KIAA1217: variants seen among roughly 807,000 people sequenced by gnomAD.
KIAA1217 encodes KIAA1217.
KIAA1217 carries 88 observed loss-of-function variants against 163.9 expected under a neutral mutation model. That is an observed-to-expected ratio of 0.54 (90% confidence interval 0.45 to 0.64). The LOEUF is 0.64. KIAA1217 is among the 30% of genes least tolerant of loss of function. The pLI is 0.00. For synonymous variants in KIAA1217, 903 were observed against 923.1 expected (o/e 0.98, Z 0.39); for missense variants, 2,372 against 2,475.0 (o/e 0.96, Z 0.88).
chr10:24,423,222 T>A (rs2058892232), intron 3 of KIAA1217, among the ~76,000 whole-genome samples: 1 of 151,934 alleles, frequency 6.6e-6, no homozygotes, highest in Non-Finnish European at 1.5e-5. Context: ...TGGCCTAGAT[T>A]TAACTTTTAA....
chr10:24,235,548 G>A (rs1015320596), intron 2 of KIAA1217, among the ~76,000 whole-genome samples: 4 of 152,104 alleles, frequency 2.6e-5, no homozygotes, highest in African/African-American at 9.7e-5. Flanking sequence ...CCAGAACTTC[G>A]GATTGCAGCT....
intron 1 of KIAA1217, among the ~76,000 whole-genome samples, chr10:23,726,750 G>T (rs1268404195): frequency 6.6e-6 from 1 of 152,076 alleles, no homozygotes; most frequent in Non-Finnish European, 1.5e-5. Context: ...GATATGAACA[G>T]ACACTTCTCA....
At chr10:24,400,952 G>A in intron 3 of KIAA1217, among the ~76,000 whole-genome samples, 1 of 101,582 alleles carries the variant, frequency 9.8e-6, no homozygotes, top group South Asian at 3.1e-4. Context: ...AAAATTCCAA[G>A]CAAGAAACAT....
chr10:24,201,782 C>T (rs565435051), intron 2 of KIAA1217, among the ~76,000 whole-genome samples: 70 of 152,274 alleles, frequency 4.6e-4, no homozygotes, highest in African/African-American at 1.6e-3. Flanking sequence ...TTCTGAAGCA[C>T]GTGACTGGCT....
intron 2 of KIAA1217, among the ~76,000 whole-genome samples, chr10:24,182,844 C>A (rs1688521209): frequency 6.6e-6 from 1 of 152,118 alleles, no homozygotes; most frequent in Non-Finnish European, 1.5e-5. Context: ...ATCAGTTGGT[C>A]TTTGATAACA....
intron 1 of KIAA1217, among the ~76,000 whole-genome samples, chr10:23,932,790 C>G (rs963703427): frequency 2.0e-5 from 3 of 152,152 alleles, no homozygotes; most frequent in Non-Finnish European, 2.9e-5. Context: ...ATATAAAAGA[C>G]CTGGTTGCAC....
chr10:24,492,642 G>A (rs2066292051), intron 6 of KIAA1217, among the ~76,000 whole-genome samples: 1 of 152,052 alleles, frequency 6.6e-6, no homozygotes, highest in Non-Finnish European at 1.5e-5. Context: ...AATGCATGGA[G>A]TTCTGATATC....
chr10:24,186,749 G>A (rs1226961532), intron 2 of KIAA1217, among the ~76,000 whole-genome samples: 1 of 152,070 alleles, frequency 6.6e-6, no homozygotes, highest in African/African-American at 2.4e-5. Context: ...AAATTAGCCA[G>A]CATGGTGGTG....
intron 2 of KIAA1217, among the ~76,000 whole-genome samples, chr10:24,240,096 C>T (rs1218789157): frequency 6.6e-6 from 1 of 152,136 alleles, no homozygotes; most frequent in East Asian, 1.9e-4. Context: ...TTGTTTGCTT[C>T]GGCTGCCAGT....
chr10:24,035,671 G>A (rs1168144220), intron 2 of KIAA1217, among the ~76,000 whole-genome samples: 1 of 152,152 alleles, frequency 6.6e-6, no homozygotes, highest in South Asian at 2.1e-4. Context: ...AAGAAATGAG[G>A]CAGGGTATTC....
chr10:24,528,155 T>C (rs2072487122), intron 14 of KIAA1217, 36 bp downstream of exon 14: 1 of 1,598,660 alleles, frequency 6.3e-7, no homozygotes, highest in African/African-American at 1.3e-5. Context: ...TATATGGAGG[T>C]ACATGGCTTT....
intron 1 of KIAA1217, among the ~76,000 whole-genome samples, chr10:23,786,906 T>C (rs998577795): frequency 2.0e-5 from 3 of 152,206 alleles, no homozygotes; most frequent in African/African-American, 7.2e-5. Flanking sequence ...CAGCTATCTT[T>C]GTGTCCTGCT....
chr10:23,856,230 G>A (rs1839652643), intron 1 of KIAA1217, among the ~76,000 whole-genome samples: 1 of 152,222 alleles, frequency 6.6e-6, no homozygotes, highest in Non-Finnish European at 1.5e-5. Flanking sequence ...CCTTCTAACA[G>A]ACAGGACCCT....
chr10:24,484,155 A>G (rs866824293), intron 6 of KIAA1217, among the ~76,000 whole-genome samples: 3 of 145,754 alleles, frequency 2.1e-5, no homozygotes, highest in Non-Finnish European at 4.5e-5. Flanking sequence ...GTATATATGT[A>G]TATGTGTGTG....
intron 1 of KIAA1217, among the ~76,000 whole-genome samples, chr10:23,908,374 G>T (rs1842268039): frequency 6.6e-6 from 1 of 152,000 alleles, no homozygotes; most frequent in African/African-American, 2.4e-5. Flanking sequence ...CAGAACTGGT[G>T]CTCTCAATCC....
At chr10:24,230,816 G>T (rs1009005521) in intron 2 of KIAA1217, among the ~76,000 whole-genome samples, 1 of 152,136 alleles carries the variant, frequency 6.6e-6, no homozygotes, top group African/African-American at 2.4e-5. Context: ...CAGGTGTGGG[G>T]TAGGCACTAC....
chr10:24,286,991 T>C lies in KIAA1217; in HGVS notation c.354+67082T>C, dbSNP rs1361793473. Among the ~76,000 whole-genome samples, 3 of 152,326 alleles carry C rather than the reference T, an allele frequency of 2.0e-5. 1 individual carries two copies. In the South Asian group the frequency reaches 6.2e-4, roughly 32 times the overall value. On this transcript the variant is annotated intron_variant, in intron 2 of 20. Transcript: ENST00000376454. Reference sequence around the variant, plus strand: ...AATTCCTCAGTTCTTGCTTATGGATTTGGACTTCAAAGCATCTTGCCTTTA... The same window carrying C: ...AATTCCTCAGTTCTTGCTTATGGATCTGGACTTCAAAGCATCTTGCCTTTA...
intron 1 of KIAA1217, among the ~76,000 whole-genome samples, chr10:23,815,664 A>C (rs1448514742): frequency 1.3e-5 from 2 of 152,162 alleles, no homozygotes; most frequent in African/African-American, 4.8e-5. Flanking sequence ...AGCAAAAACA[A>C]AAAAATTTAA....
At position 24,521,818 on chromosome 10, in the gene KIAA1217, TC is replaced by T; in HGVS notation, c.2347del (p.Leu783CysfsTer3). ...FPTLQNKMRA[I>X]LRIEVEAVRF... ...ACCTTACAAAACAAGATGCGAGCCA[TC>T]CTGCGCATAGAAGTGGAGGCCGTGC... On this transcript the variant is annotated frameshift_variant, in exon 12 of 21. Transcript: ENST00000376454. LOFTEE classifies it high-confidence loss of function. 6.2e-7 allele frequency: 1 copy of T among 1,613,688 alleles called. No homozygotes were observed.
Sources: allele counts gnomAD v4.1 joint callset (sites outside exome capture counted in the v4.1 genomes callset), GRCh38; gene constraint gnomAD v4.1.1; transcripts MANE v1.5; gene names NCBI Gene and HGNC (gene_info 2026-07-23, HGNC 2026-07-21).